PTPRN2: variants seen among roughly 807,000 people sequenced by gnomAD.
PTPRN2 encodes the protein protein tyrosine phosphatase receptor type N2.
In PTPRN2, 74 loss-of-function variants were observed where a neutral mutation model predicts 118.8. The observed-to-expected ratio is 0.62, with a 90% CI of 0.52 to 0.76. The LOEUF is 0.76. PTPRN2 is among the 30% of genes least tolerant of loss of function. The pLI, the probability that PTPRN2 is intolerant of heterozygous loss-of-function variation, is 0.00. For synonymous variants in PTPRN2, 641 were observed against 608.0 expected (o/e 1.05, Z -0.80); for missense variants, 1,481 against 1,394.4 (o/e 1.06, Z -0.99).
At chr7:158,337,359 TCCCTCACACCCACACTCTCAC>T (rs1805828594) in intron 2 of PTPRN2, among the ~76,000 whole-genome samples, 1 of 85,412 alleles carries the variant, frequency 1.2e-5, no homozygotes. Context: ...CCTGCAGACG[TCCCTCACACCCACACTCTCAC>T]CATAAGAGGT....
At chr7:157,945,747 C>T (rs1373100144) in intron 11 of PTPRN2, among the ~76,000 whole-genome samples, 5 of 116,454 alleles carry the variant, frequency 4.3e-5, no homozygotes, top group African/African-American at 1.5e-4. Flanking sequence ...AATGCCACCT[C>T]CAGCTTGGAC....
At chr7:158,076,273 G>T (rs1480536008) in intron 11 of PTPRN2, among the ~76,000 whole-genome samples, 1 of 152,190 alleles carries the variant, frequency 6.6e-6, no homozygotes, top group Admixed American at 6.5e-5. Flanking sequence ...TGGGCTTCGG[G>T]CCCCACCAGT....
intron 2 of PTPRN2, among the ~76,000 whole-genome samples, chr7:158,463,478 CCAT>C (rs1177876164): frequency 2.0e-5 from 3 of 151,908 alleles, no homozygotes; most frequent in Non-Finnish European, 2.9e-5. Context: ...ACCATCATCA[CCAT>C]CATCATTACC....
intron 12 of PTPRN2, among the ~76,000 whole-genome samples, chr7:157,795,971 C>T (rs576760645): frequency 5.3e-5 from 8 of 152,332 alleles, no homozygotes; most frequent in Admixed American, 1.3e-4. Flanking sequence ...GGGCAGGCGC[C>T]GAGGCGAACT....
chr7:158,069,886 G>A (rs1811072563), intron 11 of PTPRN2, among the ~76,000 whole-genome samples: 1 of 152,222 alleles, frequency 6.6e-6, no homozygotes, highest in African/African-American at 2.4e-5. Flanking sequence ...TGATCTGAAT[G>A]CAGCCTCGCG....
intron 13 of PTPRN2, among the ~76,000 whole-genome samples, chr7:157,672,449 T>C (rs1390277908): frequency 7.2e-6 from 1 of 138,752 alleles, no homozygotes; most frequent in Non-Finnish European, 1.6e-5. Flanking sequence ...TAGTATTTTG[T>C]TTTGCAAAAA....
chr7:158,527,189 C>A (rs910194954), intron 1 of PTPRN2, among the ~76,000 whole-genome samples: 2 of 152,022 alleles, frequency 1.3e-5, no homozygotes, highest in Non-Finnish European at 2.9e-5. Context: ...GTGTCCTTCC[C>A]GCACCGTGGG....
intron 2 of PTPRN2, among the ~76,000 whole-genome samples, chr7:158,366,958 G>A (rs985663075): frequency 1.1e-4 from 17 of 152,190 alleles, no homozygotes; most frequent in African/African-American, 3.9e-4. Flanking sequence ...CCCTGTCTGT[G>A]CTGGGCAGTG....
chr7:158,384,797 G>T (rs1286234478), intron 2 of PTPRN2, among the ~76,000 whole-genome samples: 1 of 152,138 alleles, frequency 6.6e-6, no homozygotes, highest in Non-Finnish European at 1.5e-5. Context: ...GTTACCAAAG[G>T]TACCAAAACT....
At chr7:158,484,757 A>C (rs762317230) in intron 2 of PTPRN2, among the ~76,000 whole-genome samples, 2 of 152,196 alleles carry the variant, frequency 1.3e-5, no homozygotes, top group African/African-American at 4.8e-5. Flanking sequence ...CCTCCGCGTC[A>C]GTGTGCCGGT....
intron 5 of PTPRN2, among the ~76,000 whole-genome samples, chr7:158,173,485 A>G (rs1472950100): frequency 3.9e-5 from 6 of 152,206 alleles, no homozygotes; most frequent in Non-Finnish European, 8.8e-5. Context: ...CACATGCTTC[A>G]GAGGGCAATA....
chr7:157,979,820 G>C (rs1200408412), intron 11 of PTPRN2, among the ~76,000 whole-genome samples: 1 of 152,192 alleles, frequency 6.6e-6, no homozygotes, highest in Non-Finnish European at 1.5e-5. Flanking sequence ...AGGCATAAGA[G>C]GTCCCTCAGC....
At chr7:158,085,945 T>TACACGACGCCCATCCACAC (rs1389595877) in intron 10 of PTPRN2, among the ~76,000 whole-genome samples, 10 of 120,592 alleles carry the variant, frequency 8.3e-5, no homozygotes, top group Non-Finnish European at 1.2e-4. Context: ...CCCATCCACA[T>TACACGACGCCCATCCACAC]ACACGACGCC....
chr7:157,980,164 T>C (rs2128827628), intron 11 of PTPRN2, among the ~76,000 whole-genome samples: 1 of 152,350 alleles, frequency 6.6e-6, no homozygotes, highest in South Asian at 2.1e-4. Flanking sequence ...ATTACATCAC[T>C]GAGGTTTCTC....
chr7:158,567,714 G>A (rs1827745911), intron 1 of PTPRN2, among the ~76,000 whole-genome samples: 1 of 152,206 alleles, frequency 6.6e-6, no homozygotes, highest in South Asian at 2.1e-4. Flanking sequence ...GCATGGTCAG[G>A]GACTCTGCAA....
Position 157,794,736 on chromosome 7 carries a change from G to A in PTPRN2, c.1788+103937C>T, listed in dbSNP as rs1804756766. On this transcript the variant is annotated intron_variant, in intron 12 of 22. Transcript: ENST00000389418. The surrounding 1 kb of genome is among the most constrained non-coding windows in gnomAD (Gnocchi z 5.2). Reference sequence around the variant, plus strand: ...CACCCAGCCTGAAACCACGATAAATGTGTGGAGTTGTGGAGACAGCTCACC... The same window carrying A: ...CACCCAGCCTGAAACCACGATAAATATGTGGAGTTGTGGAGACAGCTCACC... Among the ~76,000 whole-genome samples, 1 of 152,158 alleles carries A rather than the reference G, an allele frequency of 6.6e-6. No homozygotes were observed. Among genetic ancestry groups the A allele is most frequent in the African/African-American group, 2.4e-5 (1 of 41,398 alleles).
chr7:158,161,450 G>A (rs1004731978), intron 6 of PTPRN2, among the ~76,000 whole-genome samples: 20 of 152,272 alleles, frequency 1.3e-4, no homozygotes, highest in East Asian at 3.9e-4. Context: ...GAGGTCAGCC[G>A]AGCTTTGAAA....
At chr7:158,332,450 CACTCTCACCATA>C in intron 2 of PTPRN2, among the ~76,000 whole-genome samples, 1 of 150,460 alleles carries the variant, frequency 6.6e-6, no homozygotes, top group Non-Finnish European at 1.5e-5. Flanking sequence ...CTCACACCCA[CACTCTCACCATA>C]AGAGGTGACA....
chr7:158,538,823 C>A (rs536244024), intron 1 of PTPRN2, among the ~76,000 whole-genome samples: 31 of 152,308 alleles, frequency 2.0e-4, no homozygotes, highest in Non-Finnish European at 4.3e-4. Flanking sequence ...CTCGTAACCC[C>A]AACAACAGGC....
Sources: allele counts gnomAD v4.1 joint callset (sites outside exome capture counted in the v4.1 genomes callset), GRCh38; gene constraint gnomAD v4.1.1; non-coding constraint Gnocchi (gnomAD v3.1); transcripts MANE v1.5; gene names NCBI Gene and HGNC (gene_info 2026-07-23, HGNC 2026-07-21).